The following CADM1 variants were observed in gnomAD, a reference collection of about 807,000 sequenced individuals.
The protein encoded by CADM1 is cell adhesion molecule 1.
Under a neutral mutation model 53.1 loss-of-function variants are expected in CADM1, and 15 were observed. The ratio of observed to expected loss-of-function variants is 0.28; its 90% CI spans 0.19 to 0.44. The LOEUF is 0.44. Among genes scored for constraint, CADM1 ranks in the 20% least tolerant of loss-of-function variants. The pLI is 1.00. For synonymous variants in CADM1, 281 were observed against 243.0 expected, an observed-to-expected ratio of 1.16 and a Z score of -1.45; for missense variants, 434 against 611.3, an observed-to-expected ratio of 0.71 and a Z score of 3.06.
chr11:115,426,461 A>G (rs1947895524), intron 1 of CADM1, among the ~76,000 whole-genome samples: 1 of 152,090 alleles, frequency 6.6e-6, no homozygotes, highest in Non-Finnish European at 1.5e-5. Context: ...ACTGGCCTTA[A>G]CTAAGTCTTA....
At chr11:115,262,998 C>T (rs930452981) in intron 1 of CADM1, among the ~76,000 whole-genome samples, 15 of 152,264 alleles carry the variant, frequency 9.9e-5, no homozygotes, top group African/African-American at 3.6e-4. Context: ...TGAAGAGTAC[C>T]GGTCAGCTAT....
At chr11:115,400,618 T>TTA (rs1268500735) in intron 1 of CADM1, among the ~76,000 whole-genome samples, 3 of 139,864 alleles carry the variant, frequency 2.1e-5, no homozygotes, top group African/African-American at 8.0e-5. Context: ...TATATATCTT[T>TTA]TATATATATG....
chr11:115,413,896 G>T (rs762869126), intron 1 of CADM1, among the ~76,000 whole-genome samples: 5 of 151,998 alleles, frequency 3.3e-5, no homozygotes, highest in Non-Finnish European at 7.4e-5. Context: ...ACCCGCCTCG[G>T]ACTCCCAAAG....
chr11:115,220,617 A>G (rs184146354), intron 5 of CADM1, among the ~76,000 whole-genome samples: 148 of 152,280 alleles, frequency 9.7e-4, no homozygotes, highest in African/African-American at 3.5e-3. Context: ...CTCTGTTGAC[A>G]CATGCAGTAT....
At chr11:115,185,350 GTTCTT>G (rs1397649096) in intron 10 of CADM1, among the ~76,000 whole-genome samples, 1 of 152,198 alleles carries the variant, frequency 6.6e-6, no homozygotes, top group Non-Finnish European at 1.5e-5. Flanking sequence ...AAGTCACCAA[GTTCTT>G]TTCATTTATA....
At chr11:115,262,045 C>T (rs1176560941) in intron 1 of CADM1, among the ~76,000 whole-genome samples, 1 of 152,070 alleles carries the variant, frequency 6.6e-6, no homozygotes, top group Non-Finnish European at 1.5e-5. Flanking sequence ...TCCCAAAGTG[C>T]TGGGATTACA....
At chr11:115,485,543 C>G (rs1330818326) in intron 1 of CADM1, among the ~76,000 whole-genome samples, 1 of 152,148 alleles carries the variant, frequency 6.6e-6, no homozygotes, top group African/African-American at 2.4e-5. Context: ...ATCATGGGGG[C>G]GGTTTCCCCC....
At chr11:115,185,647 C>T (rs965630655) in intron 10 of CADM1, among the ~76,000 whole-genome samples, 4 of 152,136 alleles carry the variant, frequency 2.6e-5, no homozygotes, top group African/African-American at 9.7e-5. Flanking sequence ...CATTTAACAC[C>T]GCCAGAGACA....
At chr11:115,365,255 GATTC>G (rs34446079) in intron 1 of CADM1, among the ~76,000 whole-genome samples, 54,023 of 151,736 alleles carry the variant, frequency 0.36, 10,071 homozygotes, top group Non-Finnish European at 0.43. Context: ...AACAGAAAGT[GATTC>G]ATTGTTTCTA....
At chr11:115,471,324 T>A (rs1949005919) in intron 1 of CADM1, among the ~76,000 whole-genome samples, 2 of 152,190 alleles carry the variant, frequency 1.3e-5, no homozygotes, top group African/African-American at 4.8e-5. Context: ...AAGAGCAGAA[T>A]ATAAACCAAG....
intron 1 of CADM1, among the ~76,000 whole-genome samples, chr11:115,490,839 CTATTACTG>C (rs1276899538): frequency 6.6e-6 from 1 of 152,120 alleles, no homozygotes; most frequent in Admixed American, 6.5e-5. Flanking sequence ...GACAAGGGAC[CTATTACTG>C]TCCTCTCCTC....
intron 1 of CADM1, among the ~76,000 whole-genome samples, chr11:115,455,513 G>A (rs752177944): frequency 2.6e-5 from 4 of 152,024 alleles, no homozygotes; most frequent in Non-Finnish European, 5.9e-5. Flanking sequence ...GAAGCCCCTG[G>A]AATGTTCAGT....
intron 1 of CADM1, among the ~76,000 whole-genome samples, chr11:115,327,017 T>C (rs145027980): frequency 2.0e-3 from 300 of 152,302 alleles, no homozygotes; most frequent in Middle Eastern, 6.8e-3. Flanking sequence ...CTACTATTAA[T>C]CAAATATTCA....
chr11:115,485,560 TTTGC>T (rs1949355694), intron 1 of CADM1, among the ~76,000 whole-genome samples: 1 of 152,152 alleles, frequency 6.6e-6, no homozygotes, highest in South Asian at 2.1e-4. Flanking sequence ...CCCCATACTG[TTTGC>T]TTGTCAGTGA....
At position 115,198,438 on chromosome 11, in the gene CADM1, T is replaced by C; in HGVS notation, c.1079A>G (p.Asp360Gly). The C allele has an allele frequency of 6.3e-7, 1 of 1,595,486 alleles. No individual in the cohort carries two copies. Among genetic ancestry groups the C allele is most frequent in the Non-Finnish European group, 8.5e-7 (1 of 1,178,520 alleles). Residue 360 changes from aspartate (D) to glycine (G), a missense_variant and splice_region_variant, in exon 9 of 12, where the codon GAC (aspartate) becomes GGC (glycine). By Grantham distance (94) the Asp-to-Gly change is moderately conservative. Transcript: ENST00000331581. ...TTTTILTIIT[D>G]TTATTEPAVH... ...TGCTGGTTCTGTCGTCGCCGTTGTGTCTACAGACGGGAACAGAGGATTGGA... is the reference window on the plus strand; with the variant it reads ...TGCTGGTTCTGTCGTCGCCGTTGTGCCTACAGACGGGAACAGAGGATTGGA...
intron 1 of CADM1, among the ~76,000 whole-genome samples, chr11:115,360,004 C>T (rs1945985093): frequency 6.6e-6 from 1 of 152,130 alleles, no homozygotes; most frequent in African/African-American, 2.4e-5. Context: ...TGGTTATATC[C>T]ATTCATTGTT....
chr11:115,293,420 G>A lies in CADM1; in HGVS notation c.125-53000C>T, dbSNP rs545774357. 1.2e-3 allele frequency among the ~76,000 whole-genome samples: 188 copies of A among 152,152 alleles called. 2 individuals are homozygous for A. Among genetic ancestry groups the A allele is most frequent in the Admixed American group, 3.7e-3 (56 of 15,278 alleles). ...TGCACCCCAGCCTGGGCGACAGAGCGAGACTCCGTCTCAAAAAGAAAAAAA... is the reference window on the plus strand; with the variant it reads ...TGCACCCCAGCCTGGGCGACAGAGCAAGACTCCGTCTCAAAAAGAAAAAAA... On this transcript the variant is annotated intron_variant, in intron 1 of 11. Transcript: ENST00000331581.
chr11:115,338,125 G>A (rs947390078), intron 1 of CADM1, among the ~76,000 whole-genome samples: 2 of 152,160 alleles, frequency 1.3e-5, no homozygotes, highest in African/African-American at 2.4e-5. Flanking sequence ...AGAAAGAGGA[G>A]GAGGAGGAGA....
intron 1 of CADM1, among the ~76,000 whole-genome samples, chr11:115,345,427 T>C (rs551928578): frequency 1.1e-4 from 16 of 152,264 alleles, no homozygotes; most frequent in African/African-American, 2.9e-4. Context: ...ACAGAAAGAA[T>C]TGGATGGGGT....
Sources: allele counts gnomAD v4.1 joint callset (sites outside exome capture counted in the v4.1 genomes callset), GRCh38; gene constraint gnomAD v4.1.1; transcripts MANE v1.5; gene names NCBI Gene and HGNC (gene_info 2026-07-23, HGNC 2026-07-21).